PSKH1: variants seen among roughly 807,000 people sequenced by gnomAD.
PSKH1 encodes protein serine kinase H1.
PSKH1 carries 12 observed loss-of-function variants against 26.7 expected under a neutral mutation model. The ratio of observed to expected loss-of-function variants is 0.45; its 90% CI spans 0.29 to 0.73. The LOEUF (loss-of-function observed/expected upper bound fraction) is 0.73, where lower values mean the gene tolerates loss of function less well. Among genes scored for constraint, PSKH1 ranks in the 30% least tolerant of loss-of-function variants. The pLI is 0.11. For missense variants in PSKH1, 431 were observed against 595.2 expected (o/e 0.72, Z 2.87); for synonymous variants, 213 against 234.3 (o/e 0.91, Z 0.83).
rs1469685804 is a variant in PSKH1 at position 67,929,674 on chromosome 16, C to T, written c.*2032C>T. ...CTCCAGGGAGGGCTGCCATTCATTC[C>T]AACAGTTCTGGCTTCTTGCTGTAGG... On this transcript the variant is annotated 3_prime_UTR_variant, in exon 3 of 3. Coordinates refer to ENST00000291041, the MANE Select transcript of PSKH1 (RefSeq NM_006742.3). 3 of 512,068 alleles carry T rather than the reference C, an allele frequency of 5.9e-6. No homozygotes were observed. Among genetic ancestry groups the T allele is most frequent in the African/African-American group, 5.7e-5 (3 of 52,818 alleles). The allele number at this position is 512,068 out of a possible 1,614,324, so 31.7% of individuals were successfully genotyped here.
chr16:67,927,658 A>G lies in PSKH1; in HGVS notation c.*16A>G, dbSNP rs772849330. 3.1e-6 allele frequency: 5 copies of G among 1,589,064 alleles called. No homozygotes were observed. Among genetic ancestry groups the G allele is most frequent in the Non-Finnish European group, 4.3e-6 (5 of 1,172,044 alleles). On this transcript the variant is annotated 3_prime_UTR_variant, in exon 3 of 3. Coordinates refer to ENST00000291041, the MANE Select transcript of PSKH1 (RefSeq NM_006742.3). This position sits in a 1 kb window ranked among gnomAD's most constrained non-coding sequence, Gnocchi z 5.5. ...CAATGGCTGAGCCGCCTGGCTGTGC[A>G]CACATGCAGCACGACCCAGCCTGGC...
At chr16:67,898,616 T>C (rs1366646144) in intron 1 of PSKH1, among the ~76,000 whole-genome samples, 1 of 151,488 alleles carries the variant, frequency 6.6e-6, no homozygotes, top group Non-Finnish European at 1.5e-5. Flanking sequence ...TCTTTCTTTT[T>C]CTTTCTTTCT....
chr16:67,899,536 C>G (rs1221426553), intron 1 of PSKH1, among the ~76,000 whole-genome samples: 2 of 152,066 alleles, frequency 1.3e-5, no homozygotes, highest in African/African-American at 2.4e-5. Context: ...CGGGTTTCAC[C>G]ATGTTAGCCA....
At chr16:67,895,439 T>TG (rs1317189872) in intron 1 of PSKH1, among the ~76,000 whole-genome samples, 1 of 151,344 alleles carries the variant, frequency 6.6e-6, no homozygotes, top group Non-Finnish European at 1.5e-5. Context: ...GATGGAGTCT[T>TG]GCTCTGACAC....
chr16:67,913,505 A>T (rs1438601593), intron 2 of PSKH1, among the ~76,000 whole-genome samples: 3 of 152,026 alleles, frequency 2.0e-5, no homozygotes, highest in African/African-American at 7.2e-5. Context: ...GTGTTCTGGG[A>T]TAGAGCTATA....
rs1283827211 is a variant in PSKH1 at position 67,927,648 on chromosome 16, C to T, written c.*6C>T. On this transcript the variant is annotated 3_prime_UTR_variant, in exon 3 of 3. Coordinates refer to ENST00000291041, the MANE Select transcript of PSKH1 (RefSeq NM_006742.3). The surrounding 1 kb of genome is among the most constrained non-coding windows in gnomAD (Gnocchi z 5.5). The stretch of plus-strand genomic sequence containing the variant: ...AGCAGCAATACAATGGCTGAGCCGC[C>T]TGGCTGTGCACACATGCAGCACGAC... The T allele has an allele frequency of 1.3e-6, 2 of 1,596,500 alleles. No homozygotes were observed. Among genetic ancestry groups the T allele is most frequent in the Non-Finnish European group, 1.7e-6 (2 of 1,175,834 alleles).
At chr16:67,897,064 G>C (rs1301368753) in intron 1 of PSKH1, among the ~76,000 whole-genome samples, 1 of 152,208 alleles carries the variant, frequency 6.6e-6, no homozygotes, top group African/African-American at 2.4e-5. Flanking sequence ...CTTCTCAGCT[G>C]TATGATGTGA....
In PSKH1 at chr16:67,909,436, G is replaced by T; in HGVS notation, c.687G>T (p.Pro229=). The T allele has an allele frequency of 6.2e-7, 1 of 1,613,124 alleles. No individual in the cohort carries two copies. The highest frequency in any genetic ancestry group is 8.5e-7 in the Non-Finnish European group (1 of 1,179,956). The change falls in exon 2 of 3, where the codon CCG becomes CCT. Residue 229 remains proline (P), a synonymous_variant. Coordinates refer to ENST00000291041, the MANE Select transcript of PSKH1 (RefSeq NM_006742.3). The surrounding 1 kb of genome is among the most constrained non-coding windows in gnomAD (Gnocchi z 7.8). ...LKPENLLYYH[P]GTDSKIIITD... is the part of the protein sequence containing the mutation. ...CTGAGAATCTGCTCTACTACCATCC[G>T]GGCACTGACTCCAAGATCATCATCA...
At chr16:67,920,206 C>G (rs889213831) in intron 2 of PSKH1, among the ~76,000 whole-genome samples, 10 of 152,228 alleles carry the variant, frequency 6.6e-5, no homozygotes, top group Non-Finnish European at 1.2e-4. Flanking sequence ...CCTCAAGTTC[C>G]TCTGGGAGCT....
intron 2 of PSKH1, among the ~76,000 whole-genome samples, chr16:67,918,684 T>C (rs1198545102): frequency 2.0e-5 from 3 of 150,046 alleles, no homozygotes; most frequent in Non-Finnish European, 4.5e-5. Context: ...CTCCACCTTT[T>C]GGGTTCAAGC....
chr16:67,921,786 C>G (rs1481569403), intron 2 of PSKH1, among the ~76,000 whole-genome samples: 1 of 152,142 alleles, frequency 6.6e-6, no homozygotes, highest in Non-Finnish European at 1.5e-5. Flanking sequence ...GCAAAGCGAG[C>G]AAATAGCATC....
intron 2 of PSKH1, among the ~76,000 whole-genome samples, chr16:67,915,717 G>T (rs1048187075): frequency 6.6e-6 from 1 of 152,088 alleles, no homozygotes; most frequent in Admixed American, 6.6e-5. Context: ...ACAGCTAGAC[G>T]GTCTCCTGGT....
chr16:67,914,928 C>T (rs1246969529), intron 2 of PSKH1, among the ~76,000 whole-genome samples: 1 of 152,096 alleles, frequency 6.6e-6, no homozygotes, highest in East Asian at 1.9e-4. Flanking sequence ...AGGAAGGACT[C>T]TGCTACAAGC....
In PSKH1 at chr16:67,908,809, G is replaced by C. The variant is rs202189431; in HGVS notation, c.60G>C (p.Leu20=). 4 of 1,612,810 alleles carry C rather than the reference G, an allele frequency of 2.5e-6. No individual in the cohort carries two copies. The African/African-American group carries it at 5.3e-5, about 21-fold the overall frequency. The change falls in exon 2 of 3, where the codon CTG becomes CTC. Residue 20 remains leucine, a synonymous_variant. Transcript: ENST00000291041. Reference sequence around the variant, plus strand: ...CACCCAAGGATGTCCAGCTGGATCTGGTCAAGAAGGTGGAGCCCTTCAGTG... The same window carrying C: ...CACCCAAGGATGTCCAGCTGGATCTCGTCAAGAAGGTGGAGCCCTTCAGTG... The part of the protein sequence containing the change: ...PEPPKDVQLD[L]VKKVEPFSGT...
chr16:67,908,969 C>G lies in PSKH1; in HGVS notation c.220C>G (p.Pro74Ala). The change falls in exon 2 of 3, where the codon CCC becomes GCC. Residue 74 changes from proline to alanine, a missense_variant. Physicochemically the swap from Pro to Ala is conservative, Grantham distance 27. Transcript: ENST00000291041. Reference sequence around the variant, plus strand: ...CCCGACTGCTGGCCACACGGAGCCTCCCTCAGAACCACCACGCAGGGCCAG... The same window carrying G: ...CCCGACTGCTGGCCACACGGAGCCTGCCTCAGAACCACCACGCAGGGCCAG... ...GPPTAGHTEPPSEPPRRARVA... is the reference protein window; with the variant it reads ...GPPTAGHTEPASEPPRRARVA... The G allele has an allele frequency of 2.5e-6, 4 of 1,613,952 alleles. No homozygotes were observed. The highest frequency in any genetic ancestry group is 3.4e-6 in the Non-Finnish European group (4 of 1,179,898).
chr16:67,912,442 T>G (rs1285363546), intron 2 of PSKH1, among the ~76,000 whole-genome samples: 1 of 152,132 alleles, frequency 6.6e-6, no homozygotes, highest in Non-Finnish European at 1.5e-5. Flanking sequence ...AGGGAACAAT[T>G]TAAAGACAAG....
At chr16:67,894,004 C>T (rs945055722) in intron 1 of PSKH1, among the ~76,000 whole-genome samples, 2 of 152,186 alleles carry the variant, frequency 1.3e-5, no homozygotes, top group African/African-American at 2.4e-5. Context: ...GGACAAAGGC[C>T]GCACTTCTTA....
chr16:67,928,209 T>C lies in PSKH1; in HGVS notation c.*567T>C, dbSNP rs2058224416. On this transcript the variant is annotated 3_prime_UTR_variant, in exon 3 of 3. Transcript: ENST00000291041. This position sits in a 1 kb window ranked among gnomAD's most constrained non-coding sequence, Gnocchi z 4.8. ...GGCTAGGTCGAAACAGCCCTCCACC[T>C]CCCAGCCAAGATCTGTCTTCCTTCA... 1 of 152,744 alleles carries C rather than the reference T, an allele frequency of 6.5e-6. No individual in the cohort carries two copies. The highest frequency in any genetic ancestry group is 2.4e-5 in the African/African-American group (1 of 41,428). 9.5% of individuals were successfully genotyped at this position (152,744 alleles called of 1,614,324 possible).
In PSKH1 at chr16:67,927,544, C is replaced by T. The variant is rs561480493; in HGVS notation, c.1177C>T (p.Arg393Cys). Residue 393 changes from arginine (R) to cysteine (C), a missense_variant, in exon 3 of 3, where the codon CGT becomes TGT. By Grantham distance (180) the Arg-to-Cys change is radical (BLOSUM62 -3). Coordinates refer to ENST00000291041, the MANE Select transcript of PSKH1 (RefSeq NM_006742.3). The surrounding 1 kb of genome is among the most constrained non-coding windows in gnomAD (Gnocchi z 5.5). ...CQSTKSAQSTRSSRSTRSNKS... is the reference protein window; with the variant it reads ...CQSTKSAQSTCSSRSTRSNKS... ...GAGCACCAAATCTGCCCAGTCCACG[C>T]GTTCCAGCCGCTCCACACGCTCCAA... 12 of 1,613,946 alleles carry T rather than the reference C, an allele frequency of 7.4e-6. No homozygotes were observed. The highest frequency in any genetic ancestry group is 1.1e-5 in the South Asian group (1 of 91,092).
Sources: gnomAD v4.1 joint callset for allele counts (sites outside exome capture counted in the v4.1 genomes callset) on GRCh38, gnomAD v4.1.1 for gene constraint, Gnocchi (gnomAD v3.1) non-coding constraint, MANE v1.5 for transcripts, NCBI Gene and HGNC (gene_info 2026-07-23, HGNC 2026-07-21) for gene names.